The following PDE1C variants were observed in gnomAD, a reference collection of about 807,000 sequenced individuals.
PDE1C encodes the protein phosphodiesterase 1C.
Under a neutral mutation model 93.1 loss-of-function variants are expected in PDE1C, and 62 were observed. The observed-to-expected ratio is 0.67, with a 90% CI of 0.54 to 0.82. The LOEUF is 0.82. Ranked by LOEUF, PDE1C falls within the 40% of genes least tolerant of loss-of-function variation. The pLI is 0.00. For synonymous variants in PDE1C, 325 were observed against 310.1 expected (o/e 1.05, Z -0.50); for missense variants, 742 against 884.6 (o/e 0.84, Z 2.04).
chr7:32,398,097 G>C (rs1784869895), intron 1 of PDE1C, among the ~76,000 whole-genome samples: 1 of 151,522 alleles, frequency 6.6e-6, no homozygotes, highest in Admixed American at 6.6e-5. Flanking sequence ...AGCTTGCAGT[G>C]AGCCGAGATC....
At chr7:32,392,772 C>A (rs548221581) in intron 1 of PDE1C, among the ~76,000 whole-genome samples, 1 of 151,908 alleles carries the variant, frequency 6.6e-6, no homozygotes, top group East Asian at 1.9e-4. Context: ...TATATATGGC[C>A]GAGCGTGGTG....
chr7:32,074,266 CT>C (rs558889221), upstream of PDE1C, among the ~76,000 whole-genome samples: 5 of 152,296 alleles, frequency 3.3e-5, no homozygotes, highest in Non-Finnish European at 7.4e-5. Flanking sequence ...AATGACCCCC[CT>C]GGTCTCTTTC....
At chr7:31,843,367 T>G (rs2128781791) in intron 9 of PDE1C, among the ~76,000 whole-genome samples, 1 of 152,082 alleles carries the variant, frequency 6.6e-6, no homozygotes, top group South Asian at 2.1e-4. Context: ...CATTTTATGT[T>G]TTGGAAGTCT....
At chr7:31,915,431 CA>C (rs1464431902) in intron 2 of PDE1C, among the ~76,000 whole-genome samples, 1 of 152,178 alleles carries the variant, frequency 6.6e-6, no homozygotes, top group Admixed American at 6.5e-5. Context: ...GGCAGCCTGC[CA>C]CCAAATAACC....
chr7:32,385,073 T>A (rs1452947586), intron 1 of PDE1C, among the ~76,000 whole-genome samples: 1 of 152,052 alleles, frequency 6.6e-6, no homozygotes, highest in East Asian at 1.9e-4. Context: ...TTATAAGACT[T>A]TTGTGGGGAT....
the PDE1C span, among the ~76,000 whole-genome samples, chr7:31,716,597 C>A: frequency 6.6e-6 from 1 of 152,186 alleles, no homozygotes; most frequent in East Asian, 1.9e-4. Context: ...CCACATGTAA[C>A]TGTTTCCAGA....
intron 1 of PDE1C, among the ~76,000 whole-genome samples, chr7:32,322,693 T>C (rs1213942838): frequency 6.6e-6 from 1 of 151,722 alleles, no homozygotes; most frequent in Non-Finnish European, 1.5e-5. Flanking sequence ...CTTGGCTCAC[T>C]GCAACCTCCG....
At chr7:31,741,957 T>C in the PDE1C span, among the ~76,000 whole-genome samples, 4 of 152,322 alleles carry the variant, frequency 2.6e-5, no homozygotes, top group South Asian at 8.3e-4. Context: ...TTGCTAGCTA[T>C]TTGCTCCTAA....
chr7:32,168,536 CAT>C (rs1802444847), intron 3 of PDE1C, among the ~76,000 whole-genome samples: 1 of 152,220 alleles, frequency 6.6e-6, no homozygotes, highest in African/African-American at 2.4e-5. Context: ...GGTGAGAACA[CAT>C]AGACAGAGAA....
chr7:31,620,588 T>C, the PDE1C span, among the ~76,000 whole-genome samples: 7 of 150,594 alleles, frequency 4.6e-5, no homozygotes, highest in Non-Finnish European at 8.9e-5. Flanking sequence ...AGAAAGGACA[T>C]CCACACCAAA....
intron 3 of PDE1C, among the ~76,000 whole-genome samples, chr7:32,105,925 A>T (rs1798285896): frequency 6.6e-6 from 1 of 152,168 alleles, no homozygotes; most frequent in Non-Finnish European, 1.5e-5. Context: ...TAGATAACAG[A>T]GAAGCCCACA....
chr7:31,762,543 G>A (rs922628415), intron 17 of PDE1C, among the ~76,000 whole-genome samples: 2 of 151,948 alleles, frequency 1.3e-5, no homozygotes, highest in African/African-American at 4.8e-5. Flanking sequence ...TTTCACCATG[G>A]TGGCCAGAGT....
the PDE1C span, among the ~76,000 whole-genome samples, chr7:31,714,495 T>TC: frequency 6.6e-6 from 1 of 152,216 alleles, no homozygotes; most frequent in Non-Finnish European, 1.5e-5. Flanking sequence ...CAAAGTCACT[T>TC]CCACACTTTC....
the PDE1C span, among the ~76,000 whole-genome samples, chr7:31,641,444 G>T: frequency 1.3e-5 from 2 of 151,518 alleles, no homozygotes; most frequent in African/African-American, 4.9e-5. Context: ...CCTATACTGT[G>T]GTATAACTGA....
At chr7:32,307,864 A>G (rs1813052432) in intron 1 of PDE1C, among the ~76,000 whole-genome samples, 2 of 152,194 alleles carry the variant, frequency 1.3e-5, no homozygotes, top group Non-Finnish European at 2.9e-5. Context: ...CTCACTAGGG[A>G]GTGCCAGATA....
chr7:31,750,680 A>G (rs9639635), downstream of PDE1C, among the ~76,000 whole-genome samples: 114,827 of 152,294 alleles, frequency 0.75, 48,053 homozygotes, highest in Non-Finnish European at 0.92. Context: ...TCAGGATTTA[A>G]TTGTAAGTTT....
the PDE1C span, among the ~76,000 whole-genome samples, chr7:31,654,717 G>C: frequency 1.3e-5 from 2 of 152,180 alleles, no homozygotes; most frequent in Non-Finnish European, 2.9e-5. Flanking sequence ...AATAGATGCA[G>C]AATGGAATAG....
the PDE1C span, among the ~76,000 whole-genome samples, chr7:31,636,463 C>T: frequency 6.6e-6 from 1 of 152,122 alleles, no homozygotes; most frequent in African/African-American, 2.4e-5. Flanking sequence ...TATGGAGAGT[C>T]CTTCAGTTTG....
chr7:32,369,240 C>T (rs1362757082), intron 1 of PDE1C, among the ~76,000 whole-genome samples: 2 of 152,156 alleles, frequency 1.3e-5, no homozygotes, highest in Non-Finnish European at 2.9e-5. Context: ...GCAAACTACC[C>T]ATCCATCCAA....
Sources: gnomAD v4.1 joint callset for allele counts (sites outside exome capture counted in the v4.1 genomes callset) on GRCh38, gnomAD v4.1.1 for gene constraint, MANE v1.5 for transcripts, NCBI Gene and HGNC (gene_info 2026-07-23, HGNC 2026-07-21) for gene names.